The following EMILIN2 variants were observed in gnomAD, a reference collection of about 807,000 sequenced individuals.
The protein encoded by EMILIN2 is EMILIN-2.
A neutral mutation model predicts 87.1 loss-of-function variants in EMILIN2; 71 were observed. That is an observed-to-expected ratio of 0.82 (90% CI 0.67 to 0.99). The LOEUF (loss-of-function observed/expected upper bound fraction) is 0.99. Among genes scored for constraint, EMILIN2 ranks in the 50% least tolerant of loss-of-function variants. The pLI is 0.00. For synonymous variants in EMILIN2, 581 were observed against 563.4 expected (o/e 1.03, Z -0.44); for missense variants, 1,407 against 1,371.8 (o/e 1.03, Z -0.40).
chr18:2,890,127 G>C lies in EMILIN2; in HGVS notation c.434-434G>C, dbSNP rs2144035593. On this transcript the variant is annotated intron_variant, in intron 3 of 7. Transcript: ENST00000254528. This position sits in a 1 kb window ranked among gnomAD's most constrained non-coding sequence, Gnocchi z 4.7. Reference sequence around the variant, plus strand: ...TAAAGTGGTTTCTTGTGGTTTTACTGTATGCAGTCAACTCTTGGGGTGTGG... The same window carrying C: ...TAAAGTGGTTTCTTGTGGTTTTACTCTATGCAGTCAACTCTTGGGGTGTGG... 6.6e-6 allele frequency among the ~76,000 whole-genome samples: 1 copy of C among 152,320 alleles called. No homozygotes were observed. The highest frequency in any genetic ancestry group is 1.9e-4 in the East Asian group (1 of 5,188).
chr18:2,912,510 G>A (rs947965294), intron 7 of EMILIN2, among the ~76,000 whole-genome samples: 2 of 152,192 alleles, frequency 1.3e-5, no homozygotes, highest in African/African-American at 2.4e-5. Flanking sequence ...AGCTGCTTCT[G>A]CTTAGCGAAT....
rs199611726 is a variant in EMILIN2, at chr18:2,859,841, TTA to T, written c.257+11912_257+11913del. Among the ~76,000 whole-genome samples the T allele has an allele frequency of 6.8e-3, 1,031 of 152,240 alleles. 6 individuals are homozygous for T. Among genetic ancestry groups the T allele is most frequent in the African/African-American group, 0.024 (991 of 41,552 alleles). ...TTAAATAGGGTGTCCTTTCCCCACTTTATGTTTTTGTTTCCTTTATTGACTAT... is the reference window on the plus strand; with the variant it reads ...TTAAATAGGGTGTCCTTTCCCCACTTTGTTTTTGTTTCCTTTATTGACTAT... On this transcript the variant is annotated intron_variant, in intron 2 of 7. Coordinates refer to ENST00000254528, the MANE Select transcript of EMILIN2 (RefSeq NM_032048.3).
rs2144084303 is a variant in EMILIN2 at position 2,914,081 on chromosome 18, T to C, written c.*677T>C. The C allele has an allele frequency of 6.5e-6, 1 of 152,756 alleles. No homozygotes were observed. The highest frequency in any genetic ancestry group is 2.4e-5 in the African/African-American group (1 of 41,552). 9.5% of individuals were successfully genotyped at this position (152,756 alleles called of 1,614,324 possible). ...ATGGAAAGCCATTTCCAGTTAACTT[T>C]TGTTAATTTAAGTGTGGTCCCTTAC... On this transcript the variant is annotated 3_prime_UTR_variant, in exon 8 of 8. Coordinates refer to ENST00000254528, the MANE Select transcript of EMILIN2 (RefSeq NM_032048.3).
intron 2 of EMILIN2, among the ~76,000 whole-genome samples, chr18:2,849,627 T>C (rs531814176): frequency 2.6e-5 from 4 of 152,302 alleles, no homozygotes; most frequent in East Asian, 3.9e-4. Context: ...AGAATTATTA[T>C]AAAAAATGAC....
intron 4 of EMILIN2, among the ~76,000 whole-genome samples, chr18:2,899,803 C>T (rs904207728): frequency 2.0e-5 from 3 of 152,144 alleles, no homozygotes; most frequent in African/African-American, 4.8e-5. Context: ...CGCGCGCGGC[C>T]CAGCTTGTGA....
At chr18:2,897,413 C>T (rs2076868395) in intron 4 of EMILIN2, among the ~76,000 whole-genome samples, 1 of 152,232 alleles carries the variant, frequency 6.6e-6, no homozygotes, top group Non-Finnish European at 1.5e-5. Flanking sequence ...ACCCCCAGGC[C>T]TCCAGCCTTG....
chr18:2,882,311 C>A (rs1465495119), intron 2 of EMILIN2, among the ~76,000 whole-genome samples: 6 of 152,210 alleles, frequency 3.9e-5, no homozygotes, highest in African/African-American at 1.4e-4. Flanking sequence ...GGAAAAGGCT[C>A]TCTGGAGCTT....
chr18:2,876,423 T>C (rs1332243241), intron 2 of EMILIN2, among the ~76,000 whole-genome samples: 1 of 152,148 alleles, frequency 6.6e-6, no homozygotes, highest in Non-Finnish European at 1.5e-5. Context: ...TCCTGTAGAA[T>C]ATTTTCATTT....
In EMILIN2 at chr18:2,914,180, G is replaced by C. The variant is rs1296578490; in HGVS notation, c.*776G>C. 4 of 152,518 alleles carry C rather than the reference G, an allele frequency of 2.6e-5. No individual in the cohort carries two copies. The highest frequency in any genetic ancestry group is 5.9e-5 in the Non-Finnish European group (4 of 68,044). 9.4% of individuals were successfully genotyped at this position (152,518 alleles called of 1,614,324 possible). Reference sequence around the variant, plus strand: ...AAAAAGGGCTACAGAAAGTAACCTTGAGTAAAATTAATCTCAGCTACAAAA... The same window carrying C: ...AAAAAGGGCTACAGAAAGTAACCTTCAGTAAAATTAATCTCAGCTACAAAA... On this transcript the variant is annotated 3_prime_UTR_variant, in exon 8 of 8. Transcript: ENST00000254528.
At chr18:2,879,456 C>G (rs915213230) in intron 2 of EMILIN2, among the ~76,000 whole-genome samples, 1 of 151,944 alleles carries the variant, frequency 6.6e-6, no homozygotes, top group Non-Finnish European at 1.5e-5. Context: ...GTTGGGAGTT[C>G]GAGACCAGCC....
Position 2,906,910 on chromosome 18 carries a change from G to GC in EMILIN2, c.2493dup (p.Glu832ArgfsTer89). 6 of 1,393,136 alleles carry GC rather than the reference G, an allele frequency of 4.3e-6. No individual in the cohort carries two copies. In the South Asian group the frequency reaches 7.7e-5, roughly 18 times the overall value. The allele number at this position is 1,393,136 out of a possible 1,614,324, so 86.3% of individuals were successfully genotyped here. A position where few individuals can be genotyped will look rare whatever the true frequency, so the allele number is the denominator to read the frequency against. ...GGCGACGGCCCGTCCTGCCCCAGCG[G>GC]CCCCCCGAGGAGAGGCCGCCCCAGC... On this transcript the variant is annotated frameshift_variant, in exon 5 of 8. Coordinates refer to ENST00000254528, the MANE Select transcript of EMILIN2 (RefSeq NM_032048.3). LOFTEE classifies it high-confidence loss of function.
chr18:2,913,112 C>T lies in EMILIN2; in HGVS notation c.2870C>T (p.Thr957Ile). ...PYDGRYLITA[T>I]LTPERDAYVE... The stretch of plus-strand genomic sequence containing the variant: ...GATGGGCGCTACCTGATCACGGCCA[C>T]CCTCACCCCCGAGAGAGACGCCTAC... The change falls in exon 8 of 8, where the codon ACC (threonine) becomes ATC (isoleucine). Residue 957 changes from threonine (T) to isoleucine (I), a missense_variant. Physicochemically the swap from Thr to Ile is moderately conservative, Grantham distance 89 (BLOSUM62 -1). Coordinates refer to ENST00000254528, the MANE Select transcript of EMILIN2 (RefSeq NM_032048.3). 1.2e-6 allele frequency: 2 copies of T among 1,612,984 alleles called. No individual in the cohort carries two copies. Among genetic ancestry groups the T allele is most frequent in the Non-Finnish European group, 8.5e-7 (1 of 1,180,026 alleles).
rs139031307 is a variant in EMILIN2, at chr18:2,892,368, G to A, written c.2241G>A (p.Thr747=). 2,012 of 1,614,108 alleles carry A rather than the reference G, an allele frequency of 1.2e-3. 5 individuals are homozygous for A. The highest frequency in any genetic ancestry group is 2.4e-3 in the Admixed American group (146 of 60,012). ...LWNCVRQMNG[T]LRSHSRDISG... ...ACTGTGTCAGGCAGATGAACGGAAC[G>A]CTCAGGTCGCATTCCAGAGACATTT... Residue 747 remains threonine (T), a synonymous_variant, in exon 4 of 8, where the codon ACG becomes ACA. Transcript: ENST00000254528.
chr18:2,910,547 G>A (rs2076935790), intron 7 of EMILIN2, among the ~76,000 whole-genome samples: 1 of 152,158 alleles, frequency 6.6e-6, no homozygotes, highest in African/African-American at 2.4e-5. Flanking sequence ...GGCAGGTGTG[G>A]GGAGGTCCCC....
intron 2 of EMILIN2, among the ~76,000 whole-genome samples, chr18:2,875,697 C>G (rs1227237814): frequency 6.6e-6 from 1 of 152,216 alleles, no homozygotes; most frequent in Non-Finnish European, 1.5e-5. Context: ...TGGGCGCAGC[C>G]TGCAGTTGGA....
Position 2,891,266 on chromosome 18 carries a change from T to G in EMILIN2, c.1139T>G (p.Ile380Arg), listed in dbSNP as rs527419318. 1.2e-5 allele frequency: 20 copies of G among 1,613,936 alleles called. No homozygotes were observed. Among genetic ancestry groups the G allele is most frequent in the African/African-American group, 2.7e-5 (2 of 74,952 alleles). The stretch of plus-strand genomic sequence containing the variant: ...AAGGAAACAAGCCTGAGAAAAGAAA[T>G]AAATAACCTCCGAGCCCGGCTACAG... ...GEKETSLRKE[I>R]NNLRARLQEP... Residue 380 changes from isoleucine to arginine, a missense_variant, in exon 4 of 8, where the codon ATA becomes AGA. By Grantham distance (97) the Ile-to-Arg change is moderately conservative. Coordinates refer to ENST00000254528, the MANE Select transcript of EMILIN2 (RefSeq NM_032048.3). This position sits in a 1 kb window ranked among gnomAD's most constrained non-coding sequence, Gnocchi z 4.6.
Position 2,913,317 on chromosome 18 carries a change from TG to T in EMILIN2, c.3080del (p.Gly1027AlafsTer38). Reference protein sequence around the residue: ...AGDAVNVVVTGGKLAHTDFDE... With the variant: ...AGDAVNVVVTXGKLAHTDFDE... The stretch of plus-strand genomic sequence containing the variant: ...GAGATGCAGTCAACGTCGTGGTGAC[TG>T]GGGGCAAGCTGGCTCACACAGACTT... On this transcript the variant is annotated frameshift_variant, in exon 8 of 8. Transcript: ENST00000254528. LOFTEE classifies it high-confidence loss of function. 6.2e-7 allele frequency: 1 copy of T among 1,613,194 alleles called. No individual in the cohort carries two copies. Among genetic ancestry groups the T allele is most frequent in the African/African-American group, 1.3e-5 (1 of 75,038 alleles).
At chr18:2,879,655 C>T (rs1031446275) in intron 2 of EMILIN2, among the ~76,000 whole-genome samples, 6 of 151,634 alleles carry the variant, frequency 4.0e-5, no homozygotes, top group African/African-American at 1.2e-4. Flanking sequence ...AGAGAGACTC[C>T]GTCCTCCCTG....
intron 7 of EMILIN2, among the ~76,000 whole-genome samples, chr18:2,912,043 T>C (rs1339541946): frequency 1.4e-5 from 2 of 147,622 alleles, no homozygotes; most frequent in African/African-American, 2.5e-5. Context: ...TTTTTTTTTT[T>C]TTTTTTTTTT....
Sources: allele counts gnomAD v4.1 joint callset (sites outside exome capture counted in the v4.1 genomes callset), GRCh38; gene constraint gnomAD v4.1.1; non-coding constraint Gnocchi (gnomAD v3.1); transcripts MANE v1.5; gene names NCBI Gene and HGNC (gene_info 2026-07-23, HGNC 2026-07-21).